Variants in CSMD1 observed in about 807,000 individuals in gnomAD.
CSMD1 encodes the protein CUB and Sushi multiple domains 1.
CSMD1 carries 213 observed loss-of-function variants against 417.5 expected under a neutral mutation model. The observed-to-expected ratio is 0.51, with a 90% CI of 0.46 to 0.57. The LOEUF (loss-of-function observed/expected upper bound fraction) is 0.57, where lower values mean the gene tolerates loss of function less well. Ranked by LOEUF, CSMD1 falls within the 20% of genes least tolerant of loss-of-function variation. The pLI is 0.00. For missense variants in CSMD1, 6,923 were observed against 4,529.7 expected, an observed-to-expected ratio of 1.53 and a Z score of -15.17; for synonymous variants, 2,862 against 1,736.8, an observed-to-expected ratio of 1.65 and a Z score of -16.11.
intron 36 of CSMD1, among the ~76,000 whole-genome samples, chr8:3,185,533 T>A (rs1278491743): frequency 1.3e-5 from 2 of 152,236 alleles, no homozygotes; most frequent in African/African-American, 4.8e-5. Flanking sequence ...AACAATTCAA[T>A]ATTTAATACT....
chr8:3,795,326 G>GATATCTATCATGTAGATATAGATAT (rs1262611953), intron 5 of CSMD1, among the ~76,000 whole-genome samples: 2 of 22,622 alleles, frequency 8.8e-5, no homozygotes, highest in Non-Finnish European at 2.3e-4. Context: ...TACAGATATA[G>GATATCTATCATGTAGATATAGATAT]ATATCTATCA....
At chr8:4,015,561 G>A (rs553785017) in intron 4 of CSMD1, among the ~76,000 whole-genome samples, 8 of 150,754 alleles carry the variant, frequency 5.3e-5, no homozygotes, top group South Asian at 4.2e-4. Flanking sequence ...AGGTATCAGT[G>A]CTACTGCTAT....
At chr8:2,949,183 C>G (rs1802452324) in intron 68 of CSMD1, 116 bp downstream of exon 68, 4 of 613,496 alleles carry the variant, frequency 6.5e-6, no homozygotes, top group Non-Finnish European at 5.7e-6. Context: ...ATGTTAGTCT[C>G]TCTCATTATT....
chr8:3,574,515 G>A (rs1800066790), intron 10 of CSMD1, among the ~76,000 whole-genome samples: 1 of 152,142 alleles, frequency 6.6e-6, no homozygotes. Context: ...CCAAAGTGCT[G>A]GCATTACAGG....
At chr8:4,201,211 C>G (rs546127057) in intron 3 of CSMD1, among the ~76,000 whole-genome samples, 5 of 152,220 alleles carry the variant, frequency 3.3e-5, no homozygotes, top group African/African-American at 1.2e-4. Context: ...CAATACATGG[C>G]ACAAAGAAAA....
At chr8:4,713,390 T>C (rs999256604) in intron 1 of CSMD1, among the ~76,000 whole-genome samples, 31 of 151,688 alleles carry the variant, frequency 2.0e-4, no homozygotes, top group African/African-American at 6.8e-4. Flanking sequence ...TTTTGTTTTG[T>C]TTTGTTTTGT....
intron 54 of CSMD1, among the ~76,000 whole-genome samples, chr8:2,988,958 T>C (rs1371774732): frequency 6.6e-6 from 1 of 152,160 alleles, no homozygotes; most frequent in Non-Finnish European, 1.5e-5. Flanking sequence ...TGGGATGGGG[T>C]CTCTGTTTTG....
chr8:3,021,681 C>CAGAATGCACCTGCAATCCCACAGCATCT (rs1809409734), intron 51 of CSMD1, among the ~76,000 whole-genome samples: 1 of 120,738 alleles, frequency 8.3e-6, no homozygotes, highest in African/African-American at 2.7e-5. Flanking sequence ...CCACAGCGTC[C>CAGAATGCACCTGCAATCCCACAGCATCT]GGAATGCACC....
At chr8:4,919,138 A>T (rs192876330) in intron 1 of CSMD1, among the ~76,000 whole-genome samples, 3 of 152,346 alleles carry the variant, frequency 2.0e-5, no homozygotes, top group East Asian at 3.9e-4. Context: ...GTTAGAATGG[A>T]AACATACTCA....
chr8:4,061,297 T>A (rs749404724), intron 3 of CSMD1, among the ~76,000 whole-genome samples: 1 of 152,250 alleles, frequency 6.6e-6, no homozygotes, highest in African/African-American at 2.4e-5. Context: ...GTACATCTTA[T>A]CATACAAGAA....
intron 3 of CSMD1, among the ~76,000 whole-genome samples, chr8:4,292,298 G>A (rs573764573): frequency 7.2e-4 from 110 of 152,246 alleles, no homozygotes; most frequent in Middle Eastern, 3.4e-3. Flanking sequence ...TGTCGCCCAG[G>A]CTGGAGTGCA....
intron 42 of CSMD1, among the ~76,000 whole-genome samples, chr8:3,116,366 A>C (rs886314317): frequency 7.2e-6 from 1 of 139,536 alleles, no homozygotes; most frequent in South Asian, 2.1e-4. Context: ...GATCAGAGAG[A>C]TATGTGGCAT....
At chr8:2,970,529 T>C (rs1196075462) in intron 57 of CSMD1, among the ~76,000 whole-genome samples, 2 of 152,232 alleles carry the variant, frequency 1.3e-5, no homozygotes, top group Non-Finnish European at 2.9e-5. Flanking sequence ...CTATAAAGTC[T>C]GAATAATTAT....
intron 27 of CSMD1, among the ~76,000 whole-genome samples, chr8:3,226,541 C>T (rs1283560670): frequency 6.7e-6 from 1 of 148,380 alleles, no homozygotes; most frequent in African/African-American, 2.5e-5. Flanking sequence ...GAGATCACAC[C>T]ACTGCACTCC....
chr8:3,205,679 G>A (rs932335193), intron 30 of CSMD1, 59 bp from the exon 31 acceptor site: 1 of 746,832 alleles, frequency 1.3e-6, no homozygotes, highest in Non-Finnish European at 2.2e-6. Flanking sequence ...GGTGATAGGT[G>A]AGCCAAAGCT....
chr8:4,222,744 C>A (rs1217067251), intron 3 of CSMD1, among the ~76,000 whole-genome samples: 1 of 152,254 alleles, frequency 6.6e-6, no homozygotes, highest in South Asian at 2.1e-4. Flanking sequence ...AACACTCTTT[C>A]TGCCCAGATG....
chr8:4,043,974 C>A (rs1375892298), intron 3 of CSMD1, among the ~76,000 whole-genome samples: 1 of 151,966 alleles, frequency 6.6e-6, no homozygotes, highest in Non-Finnish European at 1.5e-5. Context: ...AATTGAAATG[C>A]TTTTAAATGC....
intron 17 of CSMD1, among the ~76,000 whole-genome samples, chr8:3,394,772 AAAATTTCCTGGTTCTT>A (rs1350943057): frequency 2.6e-5 from 4 of 152,218 alleles, no homozygotes; most frequent in Non-Finnish European, 5.9e-5. Flanking sequence ...AACAAAATGT[AAAATTTCCTGGTTCTT>A]AAATTTTACT....
chr8:4,005,485 T>C (rs1407695657), intron 4 of CSMD1, among the ~76,000 whole-genome samples: 1 of 152,164 alleles, frequency 6.6e-6, no homozygotes, highest in Non-Finnish European at 1.5e-5. Context: ...CACTGAATTA[T>C]CTCCAGTTTC....
Sources: gnomAD v4.1 joint callset for allele counts (sites outside exome capture counted in the v4.1 genomes callset) on GRCh38, gnomAD v4.1.1 for gene constraint, MANE v1.5 for transcripts, NCBI Gene and HGNC (gene_info 2026-07-23, HGNC 2026-07-21) for gene names.